Variants in ABCC1 observed in about 807,000 individuals in gnomAD.
The protein encoded by ABCC1 is multidrug resistance-associated protein 1.
In ABCC1, 83 loss-of-function variants were observed where a neutral mutation model predicts 172.9. That is an observed-to-expected ratio of 0.48 (90% CI 0.40 to 0.58). The LOEUF (loss-of-function observed/expected upper bound fraction) is 0.58, where lower values mean the gene tolerates loss of function less well. ABCC1 is among the 20% of genes least tolerant of loss of function. ABCC1 has a pLI of 0.00. For missense variants in ABCC1, 1,817 were observed against 2,002.7 expected (o/e 0.91, Z 1.77); for synonymous variants, 937 against 825.2 (o/e 1.14, Z -2.32).
At chr16:16,110,674 C>T (rs1013831357) in intron 21 of ABCC1, among the ~76,000 whole-genome samples, 1 of 152,224 alleles carries the variant, frequency 6.6e-6, no homozygotes, top group Non-Finnish European at 1.5e-5. Flanking sequence ...CAGGCATGAG[C>T]CACTGCACCC....
intron 1 of ABCC1, among the ~76,000 whole-genome samples, chr16:16,003,968 G>A (rs1000114966): frequency 6.6e-6 from 1 of 151,110 alleles, no homozygotes; most frequent in African/African-American, 2.4e-5. Flanking sequence ...GGATGAATTG[G>A]TGAGTGGGTA....
At chr16:16,139,682 T>C (rs1214774655) in intron 30 of ABCC1, among the ~76,000 whole-genome samples, 1 of 126,026 alleles carries the variant, frequency 7.9e-6, no homozygotes, top group Non-Finnish European at 1.7e-5. Context: ...AGTCATAAAA[T>C]AGAATTTCTA....
At chr16:16,104,461 A>T (rs2051968657) in intron 20 of ABCC1, among the ~76,000 whole-genome samples, 1 of 152,072 alleles carries the variant, frequency 6.6e-6, no homozygotes, top group South Asian at 2.1e-4. Context: ...GCATTCACAA[A>T]CCCTGAGCTA....
In ABCC1 at chr16:16,111,520, A is replaced by T; in HGVS notation, c.3017A>T (p.Asn1006Ile). 3.7e-6 allele frequency: 6 copies of T among 1,614,176 alleles called. No homozygotes were observed. The highest frequency in any genetic ancestry group is 5.1e-6 in the Non-Finnish European group (6 of 1,180,036). The change falls in exon 22 of 31, where the codon AAC becomes ATC. Residue 1006 changes from asparagine to isoleucine, a missense_variant. Asn to Ile is a moderately radical substitution (Grantham distance 149). This residue lies in a region of ABCC1 where 1,412 missense variants were observed against 1,600.3 expected (regional missense o/e 0.88). Coordinates refer to ENST00000399410, the MANE Select transcript of ABCC1 (RefSeq NM_004996.4). ...LSLWTDDPIV[N>I]GTQEHTKVRL... ...CTCTGGACTGATGACCCCATCGTCAACGGGACTCAGGAGCACACGAAAGTC... is the reference window on the plus strand; with the variant it reads ...CTCTGGACTGATGACCCCATCGTCATCGGGACTCAGGAGCACACGAAAGTC...
chr16:16,122,635 C>G (rs1016443920), intron 24 of ABCC1, among the ~76,000 whole-genome samples: 3 of 149,488 alleles, frequency 2.0e-5, no homozygotes, highest in African/African-American at 7.4e-5. Flanking sequence ...AATCCCAGTA[C>G]TTTGGGAGGC....
At chr16:16,125,787 C>G in intron 25 of ABCC1, 23 bp from the exon 26 acceptor site, 5 of 1,573,608 alleles carry the variant, frequency 3.2e-6, no homozygotes, top group Non-Finnish European at 4.4e-6. Flanking sequence ...TCTAGAAATG[C>G]CACGTGACTC....
chr16:16,033,552 G>C (rs2048631861), intron 6 of ABCC1, among the ~76,000 whole-genome samples: 1 of 152,126 alleles, frequency 6.6e-6, no homozygotes, highest in African/African-American at 2.4e-5. Flanking sequence ...TCTCACCACA[G>C]GAAGTGTGGG....
chr16:15,952,328 C>T (rs577342897), intron 1 of ABCC1, among the ~76,000 whole-genome samples: 1 of 152,086 alleles, frequency 6.6e-6, no homozygotes, highest in African/African-American at 2.4e-5. Context: ...TGGGATTGGG[C>T]TGTGAAAAGG....
In ABCC1 at chr16:16,141,426, C is replaced by A; in HGVS notation, c.*145C>A. 1 of 687,460 alleles carries A rather than the reference C, an allele frequency of 1.5e-6. No individual in the cohort carries two copies. Among genetic ancestry groups the A allele is most frequent in the Non-Finnish European group, 2.4e-6 (1 of 410,534 alleles). 42.6% of individuals were successfully genotyped at this position (687,460 alleles called of 1,614,324 possible). On this transcript the variant is annotated 3_prime_UTR_variant, in exon 31 of 31. Transcript: ENST00000399410. ...CCAGACAACCAAAACATATTCAAAG[C>A]AGCAGCCACCGCCATCCGGTCCCCT...
intron 20 of ABCC1, among the ~76,000 whole-genome samples, chr16:16,104,546 C>G (rs937585996): frequency 6.6e-6 from 1 of 152,208 alleles, no homozygotes; most frequent in Non-Finnish European, 1.5e-5. Context: ...TTTACAATCC[C>G]TTAGCTAGAC....
At position 16,104,108 on chromosome 16, in the gene ABCC1, C is replaced by T. The variant is rs576847412; in HGVS notation, c.2735+1391C>T. ...TGGCTTCAGGAGTGAAGCTGTAGACCTTGATGGTGAGTGTTACAGCTCACA... is the reference window on the plus strand; with the variant it reads ...TGGCTTCAGGAGTGAAGCTGTAGACTTTGATGGTGAGTGTTACAGCTCACA... On this transcript the variant is annotated intron_variant, in intron 20 of 30. Coordinates refer to ENST00000399410, the MANE Select transcript of ABCC1 (RefSeq NM_004996.4). Among the ~76,000 whole-genome samples the T allele has an allele frequency of 3.3e-5, 5 of 152,196 alleles. No homozygotes were observed. In the East Asian group the frequency reaches 7.8e-4, roughly 24 times the overall value.
intron 5 of ABCC1, among the ~76,000 whole-genome samples, chr16:16,031,286 C>T (rs1245471074): frequency 6.6e-6 from 1 of 152,172 alleles, no homozygotes; most frequent in Non-Finnish European, 1.5e-5. Flanking sequence ...TTGGCTAAAG[C>T]TTTCATTACT....
chr16:16,136,303 C>T (rs1017279264), intron 28 of ABCC1, among the ~76,000 whole-genome samples, 175 bp from the exon 29 acceptor site: 3 of 152,124 alleles, frequency 2.0e-5, no homozygotes, highest in South Asian at 2.1e-4. Context: ...GGATTACAGG[C>T]GTGAACCACC....
At chr16:16,104,154 A>G (rs185787544) in intron 20 of ABCC1, among the ~76,000 whole-genome samples, 22 of 152,278 alleles carry the variant, frequency 1.4e-4, no homozygotes, top group Non-Finnish European at 2.6e-4. Flanking sequence ...GGACCCAAAC[A>G]CTGAGCAGCA....
chr16:15,957,851 TA>T (rs1234648219), intron 1 of ABCC1, among the ~76,000 whole-genome samples: 1 of 152,110 alleles, frequency 6.6e-6, no homozygotes, highest in Non-Finnish European at 1.5e-5. Flanking sequence ...CTCGGCCTCC[TA>T]AAGTGCTGGG....
intron 5 of ABCC1, among the ~76,000 whole-genome samples, chr16:16,029,456 C>G (rs545568289): frequency 6.6e-6 from 1 of 152,164 alleles, no homozygotes; most frequent in Non-Finnish European, 1.5e-5. Flanking sequence ...CTCCTGAACT[C>G]AAAGCAGTTC....
At chr16:15,954,854 G>A (rs866649207) in intron 1 of ABCC1, among the ~76,000 whole-genome samples, 2 of 152,298 alleles carry the variant, frequency 1.3e-5, no homozygotes, top group South Asian at 4.1e-4. Context: ...ATCTCTCTAT[G>A]TGGGTGTCTC....
intron 21 of ABCC1, 48 bp from the exon 22 acceptor site, chr16:16,111,327 G>GCTGGGT (rs1567417175): frequency 3.2e-6 from 5 of 1,554,388 alleles, no homozygotes; most frequent in Middle Eastern, 1.7e-4. Flanking sequence ...TGGGGCTGGG[G>GCTGGGT]CTGGGTGCGT....
At chr16:15,972,787 C>CT (rs35086205) in intron 1 of ABCC1, among the ~76,000 whole-genome samples, 41,761 of 89,340 alleles carry the variant, frequency 0.47, 10,091 homozygotes, top group East Asian at 0.59. Flanking sequence ...TATTTTTTAA[C>CT]TTTTTTTTTT....
Sources: gnomAD v4.1 joint callset for allele counts (sites outside exome capture counted in the v4.1 genomes callset) on GRCh38, gnomAD v4.1.1 for gene constraint, gnomAD v4.1.1 regional missense constraint, MANE v1.5 for transcripts, NCBI Gene and HGNC (gene_info 2026-07-23, HGNC 2026-07-21) for gene names.